The following SETBP1 variants were observed in gnomAD, a reference collection of about 807,000 sequenced individuals.
SETBP1 encodes the protein SET-binding protein.
In SETBP1, 9 loss-of-function variants were observed where a neutral mutation model predicts 101.0. The observed-to-expected ratio is 0.09, with a 90% CI of 0.05 to 0.16. The LOEUF is 0.16. Ranked by LOEUF, SETBP1 falls within the 10% of genes least tolerant of loss-of-function variation. SETBP1 has a pLI of 1.00. For synonymous variants in SETBP1, 818 were observed against 788.5 expected (o/e 1.04, Z -0.63); for missense variants, 1,858 against 2,033.8 (o/e 0.91, Z 1.66).
intron 2 of SETBP1, among the ~76,000 whole-genome samples, chr18:44,835,341 G>A (rs974143663): frequency 6.6e-6 from 1 of 152,104 alleles, no homozygotes; most frequent in Non-Finnish European, 1.5e-5. Flanking sequence ...TGTGAAGGAG[G>A]CAGCGTCGTG....
chr18:45,003,768 C>T (rs565493411), intron 4 of SETBP1, among the ~76,000 whole-genome samples: 15 of 151,954 alleles, frequency 9.9e-5, no homozygotes, highest in Non-Finnish European at 1.9e-4. Flanking sequence ...TGCATAGGCA[C>T]CCAAATGTCT....
At chr18:44,937,591 C>A (rs1312691434) in intron 3 of SETBP1, among the ~76,000 whole-genome samples, 1 of 152,142 alleles carries the variant, frequency 6.6e-6, no homozygotes, top group Admixed American at 6.5e-5. Flanking sequence ...GAACCTGAGC[C>A]TCCCCACCAC....
At chr18:44,696,379 G>T (rs2069018063) in intron 1 of SETBP1, among the ~76,000 whole-genome samples, 1 of 152,164 alleles carries the variant, frequency 6.6e-6, no homozygotes, top group Non-Finnish European at 1.5e-5. Flanking sequence ...CACTGAGAGG[G>T]CTTGGTAAAA....
At chr18:44,957,020 C>T (rs945842892) in intron 4 of SETBP1, among the ~76,000 whole-genome samples, 1 of 152,048 alleles carries the variant, frequency 6.6e-6, no homozygotes, top group Non-Finnish European at 1.5e-5. Context: ...GCTAAATGTC[C>T]GTTTATAAAA....
intron 2 of SETBP1, among the ~76,000 whole-genome samples, chr18:44,718,785 A>T (rs1260307165): frequency 6.6e-6 from 1 of 152,090 alleles, no homozygotes; most frequent in Non-Finnish European, 1.5e-5. Flanking sequence ...TGCTTCACCC[A>T]AGGTATTGGC....
rs563474948 is a variant in SETBP1 at position 45,003,688 on chromosome 18, A to G, written c.4001-34797A>G. ...GCTGGAAGAATAGTAATGTCATGGG[A>G]AAAAAAAAAAAAAAACAGCAGTAAT... On this transcript the variant is annotated intron_variant, in intron 4 of 5. Coordinates refer to ENST00000649279, the MANE Select transcript of SETBP1 (RefSeq NM_015559.3). Among the ~76,000 whole-genome samples the G allele has an allele frequency of 2.5e-3, 131 of 51,688 alleles. 2 individuals carry two copies. In the East Asian group the frequency reaches 0.073, roughly 29 times the overall value. The allele number at this position is 51,688 out of a possible 152,430, so 33.9% of individuals were successfully genotyped here. A position where few individuals can be genotyped will look rare whatever the true frequency, so the allele number is the denominator to read the frequency against.
chr18:44,965,957 G>C (rs1484461711), intron 4 of SETBP1, among the ~76,000 whole-genome samples: 1 of 152,122 alleles, frequency 6.6e-6, no homozygotes, highest in Non-Finnish European at 1.5e-5. Context: ...GCAACTTCTT[G>C]GTCCAGAGCA....
chr18:44,877,924 T>C (rs1316255578), intron 3 of SETBP1, among the ~76,000 whole-genome samples: 1 of 152,178 alleles, frequency 6.6e-6, no homozygotes, highest in Non-Finnish European at 1.5e-5. Flanking sequence ...TGTTTTTTAA[T>C]TCCAAGACAT....
chr18:44,953,382 C>A lies in SETBP1; in HGVS notation c.4000+42C>A, dbSNP rs184916660. The stretch of plus-strand genomic sequence containing the variant: ...TCAGAAATGGATTATCAAGTTATTT[C>A]ATTGCTGGGCTTTGCACCTCAGACA... On this transcript the variant is annotated intron_variant, in intron 4 of 5. Coordinates refer to ENST00000649279, the MANE Select transcript of SETBP1 (RefSeq NM_015559.3). 33 of 1,555,268 alleles carry A rather than the reference C, an allele frequency of 2.1e-5. 1 individual carries two copies. Among genetic ancestry groups the A allele is most frequent in the Admixed American group, 1.2e-4 (7 of 57,720 alleles).
intron 5 of SETBP1, among the ~76,000 whole-genome samples, chr18:45,049,213 A>G (rs1225756997): frequency 2.6e-5 from 4 of 152,204 alleles, no homozygotes; most frequent in Non-Finnish European, 4.4e-5. Flanking sequence ...AGAAGAGTTA[A>G]GATGGACTTC....
At chr18:44,751,112 CAAAGT>C (rs2070371721) in intron 2 of SETBP1, among the ~76,000 whole-genome samples, 1 of 152,096 alleles carries the variant, frequency 6.6e-6, no homozygotes, top group Admixed American at 6.5e-5. Flanking sequence ...CAGGACATGG[CAAAGT>C]AAAGTTTTTT....
chr18:44,777,353 C>T (rs748746627), intron 2 of SETBP1, among the ~76,000 whole-genome samples: 11 of 152,212 alleles, frequency 7.2e-5, no homozygotes, highest in South Asian at 2.1e-4. Context: ...GGGTTATACA[C>T]TCAACTCAGT....
chr18:44,768,737 C>G (rs377697673), intron 2 of SETBP1, among the ~76,000 whole-genome samples: 10 of 152,250 alleles, frequency 6.6e-5, no homozygotes, highest in African/African-American at 2.4e-4. Flanking sequence ...TGTTGCAAAC[C>G]TCATAAAGTA....
At chr18:44,924,937 G>A (rs548033427) in intron 3 of SETBP1, among the ~76,000 whole-genome samples, 1 of 151,776 alleles carries the variant, frequency 6.6e-6, no homozygotes, top group South Asian at 2.1e-4. Context: ...GTTCAGGATA[G>A]GCGTGTCCAG....
intron 2 of SETBP1, among the ~76,000 whole-genome samples, chr18:44,854,459 G>A (rs954988150): frequency 2.6e-5 from 4 of 152,144 alleles, no homozygotes; most frequent in Non-Finnish European, 5.9e-5. Context: ...TAGTGCTGCA[G>A]CCAAGACAAG....
chr18:44,773,447 T>G (rs565913140), intron 2 of SETBP1, among the ~76,000 whole-genome samples: 8 of 152,326 alleles, frequency 5.3e-5, no homozygotes, highest in Admixed American at 3.3e-4. Context: ...CAGGAGACAC[T>G]GCAGAGCTGA....
At chr18:44,719,632 A>C (rs972357051) in intron 2 of SETBP1, among the ~76,000 whole-genome samples, 6 of 152,042 alleles carry the variant, frequency 3.9e-5, no homozygotes, top group African/African-American at 1.4e-4. Context: ...GCTGTGCCCC[A>C]CTCCACCTCC....
chr18:44,703,355 T>G (rs928600942), intron 2 of SETBP1, among the ~76,000 whole-genome samples: 7 of 17,090 alleles, frequency 4.1e-4, no homozygotes, highest in Non-Finnish European at 6.7e-4. Context: ...TAGGTTTTTT[T>G]TTTTTTTTTT....
chr18:44,982,497 G>C (rs929281550), intron 4 of SETBP1, among the ~76,000 whole-genome samples: 1 of 152,086 alleles, frequency 6.6e-6, no homozygotes, highest in African/African-American at 2.4e-5. Context: ...CTCCTCTTCT[G>C]AGTTTGTCAT....
Sources: gnomAD v4.1 joint callset for allele counts (sites outside exome capture counted in the v4.1 genomes callset) on GRCh38, gnomAD v4.1.1 for gene constraint, MANE v1.5 for transcripts, NCBI Gene and HGNC (gene_info 2026-07-23, HGNC 2026-07-21) for gene names.